The following COL26A1 variants were observed in gnomAD, a reference collection of about 807,000 sequenced individuals.
COL26A1 encodes the protein collagen alpha-1(XXVI) chain.
In COL26A1, 41 loss-of-function variants were observed where a neutral mutation model predicts 59.3. The observed-to-expected ratio is 0.69, with a 90% confidence interval of 0.54 to 0.90. The LOEUF (loss-of-function observed/expected upper bound fraction) is 0.90, where lower values mean the gene tolerates loss of function less well. Ranked by LOEUF, COL26A1 falls within the 40% of genes least tolerant of loss-of-function variation. COL26A1 has a pLI of 0.00. For missense variants in COL26A1, 612 were observed against 602.3 expected (o/e 1.02, Z -0.17); for synonymous variants, 266 against 256.0 (o/e 1.04, Z -0.37).
In COL26A1 at chr7:101,447,719, CCTA is replaced by C; in HGVS notation, c.319_321del (p.Tyr107del). The C allele has an allele frequency of 6.2e-7, 1 of 1,605,778 alleles. No individual in the cohort carries two copies. The highest frequency in any genetic ancestry group is 8.5e-7 in the Non-Finnish European group (1 of 1,176,384). On this transcript the variant is annotated inframe_deletion, in exon 3 of 13. Transcript: ENST00000313669. ...CTGATCAGACCCACCTACAGAGTGT[CCTA>C]CCGCACGGTGACGGTGCTGGAGTGG...
At chr7:101,406,244 C>A (rs946636514) in intron 1 of COL26A1, among the ~76,000 whole-genome samples, 1 of 152,182 alleles carries the variant, frequency 6.6e-6, no homozygotes, top group African/African-American at 2.4e-5. Flanking sequence ...ATGGACAGTT[C>A]CAGTAAAAAC....
chr7:101,428,926 C>CTTTTTTTTTTTTTTTT (rs530948608), intron 2 of COL26A1, among the ~76,000 whole-genome samples: 4 of 142,770 alleles, frequency 2.8e-5, no homozygotes, highest in Non-Finnish European at 4.6e-5. Flanking sequence ...TTCTTTCTTT[C>CTTTTTTTTTTTTTTTT]TTTTTTTTTT....
chr7:101,530,704 C>T (rs1380917026), intron 3 of COL26A1, among the ~76,000 whole-genome samples: 2 of 151,734 alleles, frequency 1.3e-5, no homozygotes, highest in South Asian at 2.1e-4. Flanking sequence ...ATGTCAGCGT[C>T]GGTGGGTCTT....
In COL26A1 at chr7:101,522,271, C is replaced by CAATT. The variant is rs1475349950; in HGVS notation, c.386-10810_386-10807dup. Among the ~76,000 whole-genome samples, 3 of 152,318 alleles carry CAATT rather than the reference C, an allele frequency of 2.0e-5. No individual in the cohort carries two copies. The East Asian group carries it at 5.8e-4, about 29-fold the overall frequency. On this transcript the variant is annotated intron_variant, in intron 3 of 12. Transcript: ENST00000313669. ...GGAACTTAGGCACCCACCTTCTCGC[C>CAATT]AATTGCCTTGCACCTGTGCCCAACT... is the stretch of plus-strand genomic sequence containing the variant.
chr7:101,533,403 T>C (rs1191908575), intron 4 of COL26A1, among the ~76,000 whole-genome samples: 1 of 151,870 alleles, frequency 6.6e-6, no homozygotes, highest in Non-Finnish European at 1.5e-5. Context: ...ACCCGGGGGC[T>C]GGGAGGCTGG....
intron 3 of COL26A1, among the ~76,000 whole-genome samples, chr7:101,451,735 C>T (rs1435676328): frequency 1.2e-4 from 17 of 143,684 alleles, no homozygotes; most frequent in East Asian, 2.0e-4. Flanking sequence ...GACGGAGTCT[C>T]GCTCTGTTGC....
chr7:101,402,726 C>T (rs1241001724), intron 1 of COL26A1, among the ~76,000 whole-genome samples: 3 of 123,420 alleles, frequency 2.4e-5, no homozygotes, highest in Non-Finnish European at 5.0e-5. Context: ...TCTTTCTCTC[C>T]TTCTTTCCCT....
At chr7:101,411,993 C>T (rs544432308) in intron 1 of COL26A1, among the ~76,000 whole-genome samples, 18 of 152,176 alleles carry the variant, frequency 1.2e-4, no homozygotes, top group Admixed American at 7.2e-4. Context: ...GCTCGGGACT[C>T]AAGTGTCCTG....
chr7:101,429,080 C>T (rs547827788), intron 2 of COL26A1, among the ~76,000 whole-genome samples: 24 of 151,904 alleles, frequency 1.6e-4, no homozygotes, highest in Admixed American at 6.6e-4. Flanking sequence ...CCTGCCACCA[C>T]GCCTGGCTAA....
At chr7:101,467,835 C>A (rs1327646670) in intron 3 of COL26A1, among the ~76,000 whole-genome samples, 1 of 152,114 alleles carries the variant, frequency 6.6e-6, no homozygotes, top group Non-Finnish European at 1.5e-5. Context: ...CCACTGCACT[C>A]CAGCCTGGGT....
intron 3 of COL26A1, among the ~76,000 whole-genome samples, chr7:101,457,182 G>A (rs1296817874): frequency 6.6e-6 from 1 of 152,130 alleles, no homozygotes; most frequent in Non-Finnish European, 1.5e-5. Context: ...CTGGGTGCAA[G>A]GCTACAGGAC....
chr7:101,519,203 C>A (rs1393143622), intron 3 of COL26A1, among the ~76,000 whole-genome samples: 1 of 152,196 alleles, frequency 6.6e-6, no homozygotes, highest in Non-Finnish European at 1.5e-5. Context: ...GATCTGGGCA[C>A]TAATGCTCAT....
At chr7:101,421,256 C>A (rs1792512109) in intron 2 of COL26A1, among the ~76,000 whole-genome samples, 1 of 152,190 alleles carries the variant, frequency 6.6e-6, no homozygotes, top group African/African-American at 2.4e-5. Context: ...TTGAGATGGG[C>A]TGGCTGCTGG....
intron 4 of COL26A1, among the ~76,000 whole-genome samples, chr7:101,538,717 C>T (rs1795537456): frequency 6.6e-6 from 1 of 152,160 alleles, no homozygotes; most frequent in South Asian, 2.1e-4. Flanking sequence ...GGTCAGAGCC[C>T]TGAGCAGCCG....
chr7:101,523,322 G>C (rs1562787756), intron 3 of COL26A1, among the ~76,000 whole-genome samples: 2 of 152,104 alleles, frequency 1.3e-5, no homozygotes, highest in African/African-American at 4.8e-5. Context: ...ACCTGCCTCA[G>C]CCTCCCAAAG....
intron 3 of COL26A1, among the ~76,000 whole-genome samples, chr7:101,459,582 A>G (rs1414949814): frequency 6.6e-6 from 1 of 151,478 alleles, no homozygotes; most frequent in Admixed American, 6.6e-5. Context: ...CATTGGGATT[A>G]CAGGCATAAG....
chr7:101,459,892 C>T (rs867107788), intron 3 of COL26A1, among the ~76,000 whole-genome samples: 8 of 152,152 alleles, frequency 5.3e-5, no homozygotes, highest in Admixed American at 3.9e-4. Flanking sequence ...GAGTCCAAGG[C>T]GATGCTAACC....
chr7:101,459,816 T>A (rs180901959), intron 3 of COL26A1, among the ~76,000 whole-genome samples: 41 of 152,232 alleles, frequency 2.7e-4, no homozygotes, highest in African/African-American at 9.4e-4. Flanking sequence ...GACTCCTATA[T>A]GGGCAAGGGC....
chr7:101,415,210 T>A (rs1167774099), intron 1 of COL26A1, among the ~76,000 whole-genome samples: 4 of 148,136 alleles, frequency 2.7e-5, no homozygotes, highest in African/African-American at 7.4e-5. Context: ...TGGAGTGCCG[T>A]GGTGCGATCT....
Sources: allele counts gnomAD v4.1 joint callset (sites outside exome capture counted in the v4.1 genomes callset), GRCh38; gene constraint gnomAD v4.1.1; transcripts MANE v1.5; gene names NCBI Gene and HGNC (gene_info 2026-07-23, HGNC 2026-07-21).